Variants in RPS6KA2 observed in about 807,000 individuals in gnomAD.
RPS6KA2 encodes the protein ribosomal protein S6 kinase alpha-2.
Under a neutral mutation model 91.8 loss-of-function variants are expected in RPS6KA2, and 42 were observed. That is an observed-to-expected ratio of 0.46 (90% confidence interval 0.36 to 0.59). RPS6KA2 has a LOEUF of 0.59. RPS6KA2 is among the 20% of genes least tolerant of loss of function. The pLI, the probability that RPS6KA2 is intolerant of heterozygous loss-of-function variation, is 0.00. For missense variants in RPS6KA2, 798 were observed against 978.5 expected (o/e 0.82, Z 2.46); for synonymous variants, 414 against 393.6 (o/e 1.05, Z -0.61).
At chr6:166,844,377 C>A (rs1360287244) in intron 2 of RPS6KA2, among the ~76,000 whole-genome samples, 1 of 152,160 alleles carries the variant, frequency 6.6e-6, no homozygotes, top group African/African-American at 2.4e-5. Flanking sequence ...GCTTGCCCAG[C>A]CTTGCTAGAG....
At chr6:166,504,744 C>T (rs1782138358) in intron 5 of RPS6KA2, 132 bp from the exon 6 acceptor site, 5 of 602,024 alleles carry the variant, frequency 8.3e-6, no homozygotes, top group East Asian at 3.0e-5. Flanking sequence ...ACGCTATGGC[C>T]CCCCAGAGTG....
Position 166,423,352 on chromosome 6 carries a change from G to T in RPS6KA2, c.1647C>A (p.Ser549=). ...CAAAGCCGAAGTCGCAGACTCGGAT[G>T]GATTCTGGGCTCCCCGACTCATCCC... ...LYRDESGSPE[S]IRVCDFGFAK... Residue 549 remains serine, a synonymous_variant, in exon 17 of 21, where the codon TCC becomes TCA. Transcript: ENST00000265678. The surrounding 1 kb of genome is among the most constrained non-coding windows in gnomAD (Gnocchi z 4.8). 2.5e-6 allele frequency: 4 copies of T among 1,614,178 alleles called. No individual in the cohort carries two copies. Among genetic ancestry groups the T allele is most frequent in the Non-Finnish European group, 3.4e-6 (4 of 1,180,022 alleles).
At chr6:166,480,868 T>C (rs1781192336) in intron 10 of RPS6KA2, among the ~76,000 whole-genome samples, 1 of 152,212 alleles carries the variant, frequency 6.6e-6, no homozygotes, top group East Asian at 1.9e-4. Flanking sequence ...CAGGCTGGTC[T>C]TGAACTCCTG....
chr6:166,722,846 A>G (rs1790218688), intron 2 of RPS6KA2, among the ~76,000 whole-genome samples: 1 of 152,180 alleles, frequency 6.6e-6, no homozygotes, highest in Non-Finnish European at 1.5e-5. Flanking sequence ...CTGCATTTTC[A>G]GCCCATTCCT....
chr6:166,718,717 C>G (rs1340013966), intron 2 of RPS6KA2, among the ~76,000 whole-genome samples: 1 of 152,158 alleles, frequency 6.6e-6, no homozygotes, highest in African/African-American at 2.4e-5. Context: ...TGTAAGATAG[C>G]TGCCCCGCAC....
chr6:166,530,238 TC>T (rs1783218237), intron 3 of RPS6KA2, among the ~76,000 whole-genome samples: 1 of 152,202 alleles, frequency 6.6e-6, no homozygotes, highest in Non-Finnish European at 1.5e-5. Context: ...AGCTCCCTGC[TC>T]TGCCAAGTGT....
chr6:166,501,974 G>A (rs1362338527), intron 6 of RPS6KA2, among the ~76,000 whole-genome samples: 5 of 152,234 alleles, frequency 3.3e-5, no homozygotes, highest in Non-Finnish European at 7.3e-5. Context: ...CAAACGACAG[G>A]TATTATATGA....
intron 2 of RPS6KA2, among the ~76,000 whole-genome samples, chr6:166,836,726 T>A (rs953546073): frequency 1.3e-4 from 20 of 152,326 alleles, no homozygotes; most frequent in African/African-American, 4.3e-4. Flanking sequence ...TCTGGGCCAG[T>A]CTCGAGGACA....
chr6:166,792,256 G>A (rs186830478), intron 2 of RPS6KA2, among the ~76,000 whole-genome samples: 7,460 of 152,274 alleles, frequency 0.049, 611 homozygotes, highest in African/African-American at 0.17. Flanking sequence ...AAATCTAGAA[G>A]AAATGGATAA....
intron 1 of RPS6KA2, among the ~76,000 whole-genome samples, chr6:166,587,690 A>T (rs978212005): frequency 6.6e-6 from 1 of 151,822 alleles, no homozygotes; most frequent in African/African-American, 2.4e-5. Flanking sequence ...ACACACACAA[A>T]AATGTAAAAT....
intron 2 of RPS6KA2, among the ~76,000 whole-genome samples, chr6:166,785,217 G>A (rs976034666): frequency 6.6e-6 from 1 of 152,224 alleles, no homozygotes; most frequent in Non-Finnish European, 1.5e-5. Flanking sequence ...GTAAGCCTCT[G>A]CCTGTCTGGG....
chr6:166,696,736 AGT>A lies in RPS6KA2; in HGVS notation c.124-157954_124-157953del, dbSNP rs574960646. ...CAATGTGGGTGGGTCTCACCCAATC[AGT>A]GAAAGGACAGAACAGAAAAGCCAAC... On this transcript the variant is annotated intron_variant, in intron 2 of 21. Transcript: ENST00000503859. Among the ~76,000 whole-genome samples, 616 of 152,306 alleles carry A rather than the reference AGT, an allele frequency of 4.0e-3. 3 individuals are homozygous for A. The highest frequency in any genetic ancestry group is 0.014 in the African/African-American group (595 of 41,572).
rs572776727 is a variant in RPS6KA2, at chr6:166,672,715, C to T, written c.124-133931G>A. The stretch of plus-strand genomic sequence containing the variant: ...CAGAGGGCTGATCTCAGAGGGGGGC[C>T]GGCTCACCGGATGAGAGCAGTTGAG... On this transcript the variant is annotated intron_variant, in intron 2 of 21. Coordinates refer to the RPS6KA2 transcript ENST00000503859. 9.2e-5 allele frequency among the ~76,000 whole-genome samples: 14 copies of T among 152,278 alleles called. No homozygotes were observed. In the East Asian group the frequency reaches 1.7e-3, roughly 19 times the overall value.
At chr6:166,482,847 T>C (rs1781279777) in intron 10 of RPS6KA2, among the ~76,000 whole-genome samples, 1 of 152,170 alleles carries the variant, frequency 6.6e-6, no homozygotes, top group African/African-American at 2.4e-5. Context: ...TCCTATTGCA[T>C]CTTCCCTAAA....
intron 10 of RPS6KA2, among the ~76,000 whole-genome samples, chr6:166,472,447 G>A (rs1300519534): frequency 6.6e-6 from 1 of 152,168 alleles, no homozygotes; most frequent in African/African-American, 2.4e-5. Flanking sequence ...TTTCCCCTAA[G>A]GTAGTAAGAT....
intron 2 of RPS6KA2, among the ~76,000 whole-genome samples, chr6:166,696,350 A>G (rs1229269472): frequency 1.3e-5 from 2 of 152,204 alleles, no homozygotes; most frequent in Non-Finnish European, 2.9e-5. Flanking sequence ...ATGGAAATGC[A>G]TCATTTGTAT....
intron 19 of RPS6KA2, among the ~76,000 whole-genome samples, chr6:166,416,590 C>T (rs998691261): frequency 9.2e-5 from 14 of 151,720 alleles, no homozygotes; most frequent in Non-Finnish European, 1.3e-4. Flanking sequence ...CGATCACTCC[C>T]GCCACCTCTG....
At chr6:166,461,623 A>AGAG (rs1562509841) in intron 11 of RPS6KA2, among the ~76,000 whole-genome samples, 1 of 149,814 alleles carries the variant, frequency 6.7e-6, no homozygotes, top group Non-Finnish European at 1.5e-5. Context: ...GAGAGAGAGC[A>AGAG]CGCACTAGCT....
chr6:166,823,806 C>G (rs1099664), intron 2 of RPS6KA2, among the ~76,000 whole-genome samples: 116,901 of 152,126 alleles, frequency 0.77, 45,813 homozygotes, highest in East Asian at 0.98. Flanking sequence ...ATTTGATCAG[C>G]GAAGTTCAAT....
Sources: gnomAD v4.1 joint callset for allele counts (sites outside exome capture counted in the v4.1 genomes callset) on GRCh38, gnomAD v4.1.1 for gene constraint, Gnocchi (gnomAD v3.1) non-coding constraint, MANE v1.5 for transcripts, NCBI Gene and HGNC (gene_info 2026-07-23, HGNC 2026-07-21) for gene names.